Variants in DCC observed in about 807,000 individuals in gnomAD.
DCC encodes DCC netrin 1 receptor.
DCC carries 58 observed loss-of-function variants against 172.5 expected under a neutral mutation model. The ratio of observed to expected loss-of-function variants is 0.34; its 90% confidence interval spans 0.27 to 0.42. The LOEUF is 0.42. Ranked by LOEUF, DCC falls within the 10% of genes least tolerant of loss-of-function variation. The pLI is 1.00. For missense variants in DCC, 1,740 were observed against 1,791.0 expected, an observed-to-expected ratio of 0.97 and a Z score of 0.51; for synonymous variants, 709 against 644.5, an observed-to-expected ratio of 1.10 and a Z score of -1.52.
intron 12 of DCC, among the ~76,000 whole-genome samples, chr18:53,265,222 AG>A (rs1324770565): frequency 6.6e-6 from 1 of 152,204 alleles, no homozygotes; most frequent in Non-Finnish European, 1.5e-5. Context: ...AAGCTCTCTT[AG>A]CTGTAACCTG....
intron 7 of DCC, among the ~76,000 whole-genome samples, chr18:53,149,689 C>T (rs1486716026): frequency 6.6e-6 from 1 of 152,182 alleles, no homozygotes; most frequent in Non-Finnish European, 1.5e-5. Flanking sequence ...CCTTTAGTTG[C>T]TCACATATTG....
intron 7 of DCC, among the ~76,000 whole-genome samples, chr18:53,129,342 A>G (rs1204613691): frequency 1.3e-5 from 2 of 152,112 alleles, no homozygotes; most frequent in Non-Finnish European, 2.9e-5. Flanking sequence ...TTAATATACA[A>G]TAAAATGCAC....
At chr18:52,700,124 T>C (rs1379330038) in intron 1 of DCC, among the ~76,000 whole-genome samples, 1 of 148,106 alleles carries the variant, frequency 6.8e-6, no homozygotes, top group South Asian at 2.2e-4. Context: ...CTCTCTCGTT[T>C]GCGCTCTCTC....
chr18:53,190,440 C>A lies in DCC; in HGVS notation c.1573+11324C>A, dbSNP rs527569651. On this transcript the variant is annotated intron_variant, in intron 9 of 28. Transcript: ENST00000442544. ...CAGAGTTTGAACCTAGCATAATATT[C>A]CTACTACACTGCTAACTCTGTGTGT... is the stretch of plus-strand genomic sequence containing the variant. 4.1e-4 allele frequency among the ~76,000 whole-genome samples: 61 copies of A among 148,930 alleles called. 1 individual carries two copies. The South Asian group carries it at 0.012, about 30-fold the overall frequency.
chr18:52,462,754 G>A (rs1235267854), intron 1 of DCC, among the ~76,000 whole-genome samples: 1 of 152,104 alleles, frequency 6.6e-6, no homozygotes. Context: ...CATGACACAG[G>A]GATTTGTGTC....
chr18:52,710,284 A>G (rs2036273891), intron 1 of DCC, among the ~76,000 whole-genome samples: 1 of 152,266 alleles, frequency 6.6e-6, no homozygotes, highest in South Asian at 2.1e-4. Context: ...ATTTTATTGT[A>G]CATGAAAATA....
intron 1 of DCC, among the ~76,000 whole-genome samples, chr18:52,424,476 A>G (rs1272937503): frequency 6.6e-6 from 1 of 152,134 alleles, no homozygotes; most frequent in Non-Finnish European, 1.5e-5. Flanking sequence ...AGGAAAAGCC[A>G]TGGGTATTTT....
chr18:52,423,265 G>A lies in DCC; in HGVS notation c.91+82387G>A, dbSNP rs183749395. On this transcript the variant is annotated intron_variant, in intron 1 of 28. Coordinates refer to ENST00000442544, the MANE Select transcript of DCC (RefSeq NM_005215.4). ...GGCACTATCGGCTGTATACACAAGT[G>A]CAGAAAAACAATGATAGAGAAGCCC... 2.0e-3 allele frequency among the ~76,000 whole-genome samples: 297 copies of A among 152,228 alleles called. 1 individual carries two copies. The highest frequency in any genetic ancestry group is 4.0e-3 in the Admixed American group (61 of 15,278).
At chr18:53,109,180 C>T (rs1028319948) in intron 7 of DCC, among the ~76,000 whole-genome samples, 30 of 151,008 alleles carry the variant, frequency 2.0e-4, no homozygotes, top group South Asian at 1.9e-3. Flanking sequence ...ATTTGTTGAC[C>T]GTTTGGGTGT....
intron 7 of DCC, among the ~76,000 whole-genome samples, chr18:53,093,389 G>A (rs551187157): frequency 3.0e-4 from 45 of 152,210 alleles, no homozygotes; most frequent in South Asian, 2.3e-3. Context: ...CTTATTGCTC[G>A]AAATGAGACC....
chr18:52,730,393 G>A (rs2036620124), intron 1 of DCC, among the ~76,000 whole-genome samples: 1 of 152,182 alleles, frequency 6.6e-6, no homozygotes, highest in South Asian at 2.1e-4. Flanking sequence ...CATGAACTTT[G>A]AGGAATGCAA....
intron 1 of DCC, among the ~76,000 whole-genome samples, chr18:52,596,921 G>T (rs1023787559): frequency 6.6e-6 from 1 of 152,046 alleles, no homozygotes; most frequent in Non-Finnish European, 1.5e-5. Flanking sequence ...CCTGAGCTTC[G>T]CTTTCCTTGC....
intron 1 of DCC, among the ~76,000 whole-genome samples, chr18:52,575,064 T>G (rs1170146288): frequency 6.6e-6 from 1 of 152,180 alleles, no homozygotes; most frequent in African/African-American, 2.4e-5. Context: ...TTAAGAGTCA[T>G]AGCTAATCAT....
intron 12 of DCC, among the ~76,000 whole-genome samples, chr18:53,304,239 G>A (rs2057173825): frequency 6.6e-6 from 1 of 152,068 alleles, no homozygotes; most frequent in African/African-American, 2.4e-5. Flanking sequence ...TAGGGCTGTG[G>A]GTTTCCAGGC....
At chr18:53,114,315 G>C (rs1046828976) in intron 7 of DCC, among the ~76,000 whole-genome samples, 1 of 150,468 alleles carries the variant, frequency 6.6e-6, no homozygotes, top group African/African-American at 2.5e-5. Context: ...TAAATAGTTA[G>C]GTTTTGTTTC....
At position 52,388,507 on chromosome 18, in the gene DCC, CT is replaced by C. The variant is rs148032381; in HGVS notation, c.91+47639del. Among the ~76,000 whole-genome samples the C allele has an allele frequency of 9.6e-3, 1,437 of 149,138 alleles. 27 individuals are homozygous for C. Among genetic ancestry groups the C allele is most frequent in the African/African-American group, 0.032 (1,316 of 40,714 alleles). ...GAAGCATTTTCCTTTATAAGTGCCA[CT>C]TTTTTTTTTCCCCACGGAAATCTAT... On this transcript the variant is annotated intron_variant, in intron 1 of 28. Transcript: ENST00000442544.
At chr18:52,549,241 G>T (rs778640708) in intron 1 of DCC, among the ~76,000 whole-genome samples, 4 of 152,018 alleles carry the variant, frequency 2.6e-5, no homozygotes, top group African/African-American at 9.7e-5. Context: ...CCTGCATTTA[G>T]CATCTCATTC....
At chr18:52,500,970 C>A (rs1312673748) in intron 1 of DCC, among the ~76,000 whole-genome samples, 1 of 152,100 alleles carries the variant, frequency 6.6e-6, no homozygotes, top group Non-Finnish European at 1.5e-5. Flanking sequence ...AATATTTTTT[C>A]TTTGTTATTA....
At chr18:52,717,451 A>G (rs57295524) in intron 1 of DCC, among the ~76,000 whole-genome samples, 16 of 65,426 alleles carry the variant, frequency 2.4e-4, no homozygotes, top group Admixed American at 1.1e-3. Context: ...TTTTTTTTCC[A>G]AAAAAAGGAA....
Sources: gnomAD v4.1 joint callset for allele counts (sites outside exome capture counted in the v4.1 genomes callset) on GRCh38, gnomAD v4.1.1 for gene constraint, MANE v1.5 for transcripts, NCBI Gene and HGNC (gene_info 2026-07-23, HGNC 2026-07-21) for gene names.